PTPRM: variants seen among roughly 807,000 people sequenced by gnomAD.
The protein encoded by PTPRM is receptor-type tyrosine-protein phosphatase mu.
PTPRM carries 47 observed loss-of-function variants against 186.7 expected under a neutral mutation model. The observed-to-expected ratio is 0.25, with a 90% CI of 0.20 to 0.32. The LOEUF (loss-of-function observed/expected upper bound fraction) is 0.32. PTPRM is among the 10% of genes least tolerant of loss of function. The pLI, the probability that PTPRM is intolerant of heterozygous loss-of-function variation, is 1.00. For missense variants in PTPRM, 1,494 were observed against 1,865.0 expected (o/e 0.80, Z 3.66); for synonymous variants, 668 against 674.9 (o/e 0.99, Z 0.16).
At chr18:7,922,901 T>C (rs747527572) in intron 4 of PTPRM, among the ~76,000 whole-genome samples, 6 of 152,202 alleles carry the variant, frequency 3.9e-5, no homozygotes, top group Non-Finnish European at 8.8e-5. Context: ...AACTTGTTTA[T>C]GTATGATATG....
intron 14 of PTPRM, among the ~76,000 whole-genome samples, chr18:8,205,478 A>C (rs2093915591): frequency 6.6e-6 from 1 of 152,282 alleles, no homozygotes; most frequent in East Asian, 1.9e-4. Flanking sequence ...TTATTTCTTT[A>C]TTATATGTTT....
intron 11 of PTPRM, among the ~76,000 whole-genome samples, chr18:8,090,271 C>T (rs2090641957): frequency 6.6e-6 from 1 of 152,124 alleles, no homozygotes; most frequent in Admixed American, 6.5e-5. Flanking sequence ...TATGCTCTGA[C>T]CATGGCCTTG....
At chr18:8,384,766 A>G in intron 30 of PTPRM, 80 bp downstream of exon 30, 1 of 1,554,340 alleles carries the variant, frequency 6.4e-7, no homozygotes, top group South Asian at 1.2e-5. Flanking sequence ...CACTCACTCT[A>G]TGTCAGTCAC....
At chr18:8,107,196 G>C (rs940375935) in intron 11 of PTPRM, among the ~76,000 whole-genome samples, 230 of 152,234 alleles carry the variant, frequency 1.5e-3, no homozygotes, top group African/African-American at 5.2e-3. Flanking sequence ...ATATGAAATA[G>C]GAAATGCAAA....
At chr18:8,097,928 G>A (rs1013284484) in intron 11 of PTPRM, among the ~76,000 whole-genome samples, 1 of 152,192 alleles carries the variant, frequency 6.6e-6, no homozygotes, top group Non-Finnish European at 1.5e-5. Flanking sequence ...TGCGTATACA[G>A]CAGTGGTCCT....
intron 32 of PTPRM, chr18:8,399,848 G>T (rs537765764): frequency 6.6e-6 from 1 of 152,232 alleles, no homozygotes. Flanking sequence ...GAAAAAAATC[G>T]ACAACTAAAA....
chr18:7,999,905 C>A (rs553194764), intron 7 of PTPRM, among the ~76,000 whole-genome samples: 93 of 152,156 alleles, frequency 6.1e-4, no homozygotes, highest in African/African-American at 2.2e-3. Flanking sequence ...ACCAGAAGAG[C>A]CTGTGCTGGT....
At chr18:8,124,491 T>C (rs939669350) in intron 13 of PTPRM, among the ~76,000 whole-genome samples, 2 of 152,162 alleles carry the variant, frequency 1.3e-5, no homozygotes, top group Non-Finnish European at 1.5e-5. Context: ...CGACCAACTC[T>C]TTTCAGGAGT....
intron 14 of PTPRM, among the ~76,000 whole-genome samples, chr18:8,240,807 A>G (rs1360136935): frequency 7.4e-5 from 4 of 53,816 alleles, no homozygotes; most frequent in African/African-American, 2.6e-4. Flanking sequence ...AGAGAGAGAG[A>G]GAGAGAGAGA....
chr18:7,583,280 T>C (rs370711583), intron 1 of PTPRM, among the ~76,000 whole-genome samples: 1 of 152,190 alleles, frequency 6.6e-6, no homozygotes. Context: ...CCTTTACATA[T>C]CATTTATATA....
chr18:8,033,645 T>A (rs891822285), intron 7 of PTPRM, among the ~76,000 whole-genome samples: 2 of 152,240 alleles, frequency 1.3e-5, no homozygotes, highest in Non-Finnish European at 2.9e-5. Context: ...GGGACCACTG[T>A]CTTATACACA....
intron 7 of PTPRM, among the ~76,000 whole-genome samples, chr18:8,040,438 T>C (rs1048231813): frequency 6.6e-6 from 1 of 152,152 alleles, no homozygotes; most frequent in Non-Finnish European, 1.5e-5. Flanking sequence ...AAATCGAAGC[T>C]GATTTGAAGT....
At chr18:8,315,565 C>A (rs1195237817) in intron 21 of PTPRM, among the ~76,000 whole-genome samples, 10 of 152,138 alleles carry the variant, frequency 6.6e-5, no homozygotes, top group Admixed American at 5.9e-4. Context: ...GTTGCTGTTA[C>A]CTCCAAGGCC....
intron 1 of PTPRM, among the ~76,000 whole-genome samples, chr18:7,666,475 G>A (rs1033077276): frequency 1.8e-4 from 28 of 152,306 alleles, no homozygotes; most frequent in Admixed American, 3.3e-4. Flanking sequence ...TTATGTCTTA[G>A]CTAACTGTTC....
chr18:7,597,368 G>A (rs1458625194), intron 1 of PTPRM, among the ~76,000 whole-genome samples: 2 of 152,072 alleles, frequency 1.3e-5, no homozygotes, highest in Non-Finnish European at 2.9e-5. Context: ...TCTCAGACTT[G>A]GATGCTAATC....
intron 2 of PTPRM, among the ~76,000 whole-genome samples, chr18:7,818,389 T>G (rs1163135873): frequency 2.0e-5 from 3 of 152,148 alleles, no homozygotes; most frequent in Admixed American, 2.0e-4. Context: ...AGGGTAAGAT[T>G]AATTCCTTCC....
At chr18:8,171,898 A>C (rs1454219642) in intron 14 of PTPRM, among the ~76,000 whole-genome samples, 5 of 152,170 alleles carry the variant, frequency 3.3e-5, no homozygotes, top group African/African-American at 9.7e-5. Context: ...AAATCATCTA[A>C]CACAAAACCT....
chr18:7,903,625 C>T (rs1240803404), intron 3 of PTPRM, among the ~76,000 whole-genome samples: 1 of 152,226 alleles, frequency 6.6e-6, no homozygotes, highest in Non-Finnish European at 1.5e-5. Context: ...CTTCCTTTCT[C>T]TTGTATTGTC....
At chr18:8,098,486 A>G (rs1342297125) in intron 11 of PTPRM, among the ~76,000 whole-genome samples, 3 of 152,216 alleles carry the variant, frequency 2.0e-5, no homozygotes, top group Admixed American at 1.3e-4. Context: ...CTAGTGGGAC[A>G]TACCAGGAAC....
Sources: gnomAD v4.1 joint callset for allele counts (sites outside exome capture counted in the v4.1 genomes callset) on GRCh38, gnomAD v4.1.1 for gene constraint, MANE v1.5 for transcripts, NCBI Gene and HGNC (gene_info 2026-07-23, HGNC 2026-07-21) for gene names.